The following HECTD4 variants were observed in gnomAD, a reference collection of about 807,000 sequenced individuals.
The protein encoded by HECTD4 is probable E3 ubiquitin-protein ligase HECTD4.
In HECTD4, 114 loss-of-function variants were observed where a neutral mutation model predicts 471.5. The ratio of observed to expected loss-of-function variants is 0.24; its 90% CI spans 0.21 to 0.28. The LOEUF is 0.28. HECTD4 is among the 10% of genes least tolerant of loss of function. The probability of loss-of-function intolerance (pLI) is 1.00; values close to 1 mark genes in which losing one functional copy is unlikely to be tolerated. For missense variants in HECTD4, 3,866 were observed against 5,651.5 expected (o/e 0.68, Z 10.13); for synonymous variants, 2,012 against 2,256.0 (o/e 0.89, Z 3.07).
intron 44 of HECTD4, among the ~76,000 whole-genome samples, chr12:112,224,617 G>A (rs1389686032): frequency 1.3e-5 from 2 of 152,040 alleles, no homozygotes; most frequent in African/African-American, 2.4e-5. Flanking sequence ...AAATCAATAC[G>A]CATAAGCTCA....
chr12:112,170,836 G>A, intron 68 of HECTD4: 1 of 472,160 alleles, frequency 2.1e-6, no homozygotes. Flanking sequence ...GTAGGGATGT[G>A]GAGGCCAGAT....
At chr12:112,265,784 TATAAC>T in intron 15 of HECTD4, 89 bp downstream of exon 15, 1 of 888,054 alleles carries the variant, frequency 1.1e-6, no homozygotes, top group Non-Finnish European at 1.8e-6. Flanking sequence ...TCGTATTAGT[TATAAC>T]AGGAGACTAA....
rs1209266877 is a variant in HECTD4 at position 112,160,264 on chromosome 12, G to A, written c.*2123C>T. ...ATATCAGAGCCATCCAAGCATGCCAGCCTTTGAACTTGCTCAGCAAGAGTA... is the reference window on the plus strand; with the variant it reads ...ATATCAGAGCCATCCAAGCATGCCAACCTTTGAACTTGCTCAGCAAGAGTA... On this transcript the variant is annotated 3_prime_UTR_variant, in exon 76 of 76. Transcript: ENST00000682272. The A allele has an allele frequency of 2.0e-5, 3 of 152,188 alleles. No homozygotes were observed. Among genetic ancestry groups the A allele is most frequent in the African/African-American group, 7.2e-5 (3 of 41,450 alleles). The allele number at this position is 152,188 out of a possible 1,614,324, so 9.4% of individuals were successfully genotyped here. A position where few individuals can be genotyped will look rare whatever the true frequency, so the allele number is the denominator to read the frequency against.
chr12:112,171,734 C>T (rs1252246525), intron 67 of HECTD4, among the ~76,000 whole-genome samples: 1 of 152,210 alleles, frequency 6.6e-6, no homozygotes, highest in Non-Finnish European at 1.5e-5. Flanking sequence ...TCAGGACAAC[C>T]TCTTGTCCAC....
chr12:112,369,834 G>C (rs2036634090), intron 1 of HECTD4, among the ~76,000 whole-genome samples: 1 of 152,164 alleles, frequency 6.6e-6, no homozygotes, highest in Non-Finnish European at 1.5e-5. Context: ...TCTCAGGTGT[G>C]CATGAGCAGG....
In HECTD4 at chr12:112,228,270, G is replaced by A. The variant is rs763140113; in HGVS notation, c.6685-12C>T. 1 of 1,553,512 alleles carries A rather than the reference G, an allele frequency of 6.4e-7. No homozygotes were observed. The highest frequency in any genetic ancestry group is 2.4e-5 in the East Asian group (1 of 41,774). ...TGAAGAGGCAATGCCTGATGGCGGTGGGGGGGCATGGCAAAAAGTTAAATT... is the reference window on the plus strand; with the variant it reads ...TGAAGAGGCAATGCCTGATGGCGGTAGGGGGGCATGGCAAAAAGTTAAATT... On this transcript the variant is annotated splice_polypyrimidine_tract_variant and intron_variant, in intron 42 of 75. Transcript: ENST00000682272. The surrounding 1 kb of genome is among the most constrained non-coding windows in gnomAD (Gnocchi z 4.9).
rs533392922 is a variant in HECTD4, at chr12:112,367,473, T to C, written c.177+14479A>G. Among the ~76,000 whole-genome samples, 408 of 152,152 alleles carry C rather than the reference T, an allele frequency of 2.7e-3. 2 individuals carry two copies. Among genetic ancestry groups the C allele is most frequent in the African/African-American group, 9.5e-3 (393 of 41,526 alleles). ...GGATCCCATGCATCTCTGAATCCTA[T>C]TTAGGTTCAGAACCCCTGAGGGAAA... is the stretch of plus-strand genomic sequence containing the variant. On this transcript the variant is annotated intron_variant, in intron 1 of 75. Transcript: ENST00000682272.
intron 25 of HECTD4, 116 bp downstream of exon 25, chr12:112,250,027 TG>T: frequency 1.3e-6 from 1 of 762,374 alleles, no homozygotes; most frequent in Non-Finnish European, 2.2e-6. Context: ...TTAACATTCA[TG>T]GAGTAAACAT....
Position 112,243,450 on chromosome 12 carries a change from G to A in HECTD4, c.4861C>T (p.Leu1621=), listed in dbSNP as rs185866131. The change falls in exon 32 of 76, where the codon CTG becomes TTG. Residue 1621 remains leucine (L), a synonymous_variant. Transcript: ENST00000682272. This position sits in a 1 kb window ranked among gnomAD's most constrained non-coding sequence, Gnocchi z 6.6. ...WRRGNTRKQA[L]VHMRELLTAA... is the part of the protein sequence containing the mutation. Reference sequence around the variant, plus strand: ...GTCAGCAATTCCCGCATGTGCACCAGTGCCTGCTTGCGAGTGTTTCCCCGC... The same window carrying A: ...GTCAGCAATTCCCGCATGTGCACCAATGCCTGCTTGCGAGTGTTTCCCCGC... 6.2e-7 allele frequency: 1 copy of A among 1,610,164 alleles called. No homozygotes were observed. Among genetic ancestry groups the A allele is most frequent in the East Asian group, 2.2e-5 (1 of 44,726 alleles).
In HECTD4 at chr12:112,258,510, C is replaced by A. The variant is rs1426586782; in HGVS notation, c.3114G>T (p.Leu1038=). 1.9e-6 allele frequency: 3 copies of A among 1,591,506 alleles called. No homozygotes were observed. Among genetic ancestry groups the A allele is most frequent in the Non-Finnish European group, 2.6e-6 (3 of 1,171,308 alleles). ...PCGAPDQKCR[L]FPDERMLEEK... is the part of the protein sequence containing the mutation. The stretch of plus-strand genomic sequence containing the variant: ...GCATTCATTACCTCTCATCAGGGAA[C>A]AGCCTGCACTTCTGGTCTGGTGCAC... The change falls in exon 20 of 76, where the codon CTG becomes CTT. Residue 1038 remains leucine, a synonymous_variant. Transcript: ENST00000682272.
At chr12:112,168,352 C>T (rs553066157) in intron 70 of HECTD4, among the ~76,000 whole-genome samples, 1 of 152,360 alleles carries the variant, frequency 6.6e-6, no homozygotes, top group African/African-American at 2.4e-5. Flanking sequence ...ACTGCCTCCC[C>T]CAGTGCCCGG....
chr12:112,275,998 T>C (rs2135629733), intron 9 of HECTD4, among the ~76,000 whole-genome samples: 1 of 152,318 alleles, frequency 6.6e-6, no homozygotes, highest in East Asian at 1.9e-4. Flanking sequence ...CCTTTCTTTC[T>C]CAGATTGTGC....
chr12:112,169,387 A>G, intron 70 of HECTD4, 116 bp downstream of exon 70: 1 of 1,186,428 alleles, frequency 8.4e-7, no homozygotes, highest in Admixed American at 2.7e-5. Context: ...CTTCTGCAGC[A>G]CAAGTGCTGA....
intron 7 of HECTD4, among the ~76,000 whole-genome samples, chr12:112,289,009 T>A (rs2135652382): frequency 1.3e-5 from 2 of 152,372 alleles, no homozygotes; most frequent in Middle Eastern, 6.8e-3. Flanking sequence ...AGAGGTCATT[T>A]TATATTAATA....
intron 18 of HECTD4, 83 bp from the exon 19 acceptor site, chr12:112,259,348 T>C: frequency 1.4e-6 from 2 of 1,457,506 alleles, no homozygotes; most frequent in East Asian, 2.3e-5. Flanking sequence ...TATCTGACAA[T>C]TTCTCCTAAA....
rs1009200638 is a variant in HECTD4, at chr12:112,188,166, G to A, written c.9472+2620C>T. 3.9e-5 allele frequency among the ~76,000 whole-genome samples: 6 copies of A among 152,090 alleles called. No homozygotes were observed. The highest frequency in any genetic ancestry group is 1.4e-4 in the African/African-American group (6 of 41,432). On this transcript the variant is annotated intron_variant, in intron 60 of 75. Coordinates refer to ENST00000682272, the MANE Select transcript of HECTD4 (RefSeq NM_001388303.1). The surrounding 1 kb of genome is among the most constrained non-coding windows in gnomAD (Gnocchi z 4.2). ...TAGCTGGGCATGGTAGCGGGCGCCT[G>A]TATTCCCAACTACTCAGGAGGCTGG...
At chr12:112,190,115 G>A (rs2032029588) in intron 60 of HECTD4, among the ~76,000 whole-genome samples, 1 of 152,212 alleles carries the variant, frequency 6.6e-6, no homozygotes, top group African/African-American at 2.4e-5. Context: ...TAGAAAGCCT[G>A]AAGAAATTAT....
intron 67 of HECTD4, among the ~76,000 whole-genome samples, 163 bp downstream of exon 67, chr12:112,172,508 T>C (rs1470390248): frequency 6.6e-6 from 1 of 152,262 alleles, no homozygotes; most frequent in East Asian, 1.9e-4. Context: ...TTGCCCTCCC[T>C]GTTTCGTCAG....
chr12:112,217,330 C>T (rs947113367), intron 45 of HECTD4, 135 bp from the exon 46 acceptor site: 94 of 498,240 alleles, frequency 1.9e-4, no homozygotes, highest in Non-Finnish European at 1.3e-5. Flanking sequence ...CACACACACA[C>T]ACACATACAC....
Sources: gnomAD v4.1 joint callset for allele counts (sites outside exome capture counted in the v4.1 genomes callset) on GRCh38, gnomAD v4.1.1 for gene constraint, Gnocchi (gnomAD v3.1) non-coding constraint, MANE v1.5 for transcripts, NCBI Gene and HGNC (gene_info 2026-07-23, HGNC 2026-07-21) for gene names.